POT1: variants seen among roughly 807,000 people sequenced by gnomAD.
POT1 encodes the protein protection of telomeres protein 1.
A neutral mutation model predicts 78.5 loss-of-function variants in POT1; 47 were observed. The ratio of observed to expected loss-of-function variants is 0.60; its 90% confidence interval spans 0.47 to 0.76. The LOEUF is 0.76. POT1 is among the 30% of genes least tolerant of loss of function. POT1 has a pLI of 0.00. For missense variants in POT1, 646 were observed against 749.9 expected (o/e 0.86, Z 1.62); for synonymous variants, 259 against 260.7 (o/e 0.99, Z 0.06).
intron 15 of POT1, among the ~76,000 whole-genome samples, chr7:124,831,792 C>T (rs1794763832): frequency 6.6e-6 from 1 of 151,564 alleles, no homozygotes; most frequent in Non-Finnish European, 1.5e-5. Context: ...AAAGGCTTGG[C>T]ATAGTACGAA....
Position 124,823,921 on chromosome 7 carries a change from T to C in POT1, c.*41A>G. ...GGAAAAGAAGCTCAAACAGGGAAGG[T>C]GAGTGGCAACATTTTATGTATGCTA... On this transcript the variant is annotated 3_prime_UTR_variant, in exon 19 of 19. Transcript: ENST00000357628. The C allele has an allele frequency of 7.7e-7, 1 of 1,291,292 alleles. No individual in the cohort carries two copies. 80.0% of individuals were successfully genotyped at this position (1,291,292 alleles called of 1,614,324 possible).
At chr7:124,841,814 T>C (rs1242730509) in intron 13 of POT1, among the ~76,000 whole-genome samples, 1 of 151,978 alleles carries the variant, frequency 6.6e-6, no homozygotes. Context: ...GGTTTTATTT[T>C]ACAAAGCTGT....
At chr7:124,883,317 A>G (rs1417407439) in intron 6 of POT1, among the ~76,000 whole-genome samples, 1 of 152,232 alleles carries the variant, frequency 6.6e-6, no homozygotes, top group Admixed American at 6.5e-5. Flanking sequence ...AGTTTTACCA[A>G]TTGGGGAAAG....
Position 124,858,961 on chromosome 7 carries a change from A to G in POT1, c.698T>C (p.Leu233Pro). The change falls in exon 9 of 19, where the codon CTG (leucine) becomes CCG (proline). Residue 233 changes from leucine (L) to proline (P), a missense_variant. This residue lies in a region of POT1 where 252 missense variants were observed against 341.4 expected (regional missense o/e 0.74). Coordinates refer to ENST00000357628, the MANE Select transcript of POT1 (RefSeq NM_015450.3). ...YDNHVHVARS[L>P]KVGSFLRIYS... ...TTTTTTCCTACTATACATCACCTTC[A>G]GAGATCTTGCCACATGAACATGGTT... 1 of 1,601,434 alleles carries G rather than the reference A, an allele frequency of 6.2e-7. No individual in the cohort carries two copies. The highest frequency in any genetic ancestry group is 8.5e-7 in the Non-Finnish European group (1 of 1,172,332).
At chr7:124,845,268 C>T (rs1795137440) in intron 12 of POT1, among the ~76,000 whole-genome samples, 1 of 152,128 alleles carries the variant, frequency 6.6e-6, no homozygotes, top group African/African-American at 2.4e-5. Context: ...ACATTTAATT[C>T]TCATGTCTCT....
chr7:124,895,293 G>A (rs996214365), intron 5 of POT1, among the ~76,000 whole-genome samples: 1 of 151,450 alleles, frequency 6.6e-6, no homozygotes, highest in Admixed American at 6.6e-5. Flanking sequence ...TAACTTGATA[G>A]CATTATCATT....
intron 7 of POT1, among the ~76,000 whole-genome samples, chr7:124,865,958 G>A (rs1288694464): frequency 1.3e-5 from 2 of 152,032 alleles, no homozygotes; most frequent in Non-Finnish European, 2.9e-5. Context: ...GTAACACTTT[G>A]TTGTTTTCAT....
chr7:124,926,931 G>C (rs969252165), intron 2 of POT1, among the ~76,000 whole-genome samples: 1 of 152,116 alleles, frequency 6.6e-6, no homozygotes, highest in Non-Finnish European at 1.5e-5. Context: ...GGAGGGGTAG[G>C]GGATTAGGAG....
chr7:124,852,349 A>C (rs1795331743), intron 10 of POT1, among the ~76,000 whole-genome samples: 1 of 152,164 alleles, frequency 6.6e-6, no homozygotes, highest in African/African-American at 2.4e-5. Context: ...ATGTAGACAA[A>C]AGTTATTTAA....
At chr7:124,843,775 T>C (rs1243807378) in intron 12 of POT1, among the ~76,000 whole-genome samples, 2 of 152,184 alleles carry the variant, frequency 1.3e-5, no homozygotes, top group African/African-American at 4.8e-5. Flanking sequence ...GGAAATGATG[T>C]ACAAATCTTA....
intron 6 of POT1, among the ~76,000 whole-genome samples, chr7:124,883,833 A>AT (rs1393473949): frequency 4.6e-5 from 7 of 152,042 alleles, no homozygotes; most frequent in Admixed American, 3.3e-4. Flanking sequence ...TGAAAAATAG[A>AT]TTAAATAATT....
At chr7:124,858,589 T>A (rs1795503299) in intron 9 of POT1, among the ~76,000 whole-genome samples, 1 of 152,028 alleles carries the variant, frequency 6.6e-6, no homozygotes, top group African/African-American at 2.4e-5. Context: ...CAAAAAGTTA[T>A]CAGCTACATT....
At chr7:124,911,835 C>T (rs1216198132) in intron 3 of POT1, among the ~76,000 whole-genome samples, 2 of 152,128 alleles carry the variant, frequency 1.3e-5, no homozygotes, top group East Asian at 1.9e-4. Flanking sequence ...CCAGACCCCA[C>T]AGGTTTTACA....
chr7:124,830,954 T>C (rs1794745205), intron 15 of POT1, among the ~76,000 whole-genome samples: 1 of 152,128 alleles, frequency 6.6e-6, no homozygotes, highest in African/African-American at 2.4e-5. Flanking sequence ...CGCTCACACA[T>C]GAACCAACAA....
chr7:124,904,597 G>A (rs966959076), intron 3 of POT1, among the ~76,000 whole-genome samples: 14 of 152,156 alleles, frequency 9.2e-5, no homozygotes, highest in African/African-American at 3.4e-4. Flanking sequence ...AGACAGGGAT[G>A]CCCTCTCTCA....
chr7:124,866,305 TG>T (rs34065637), intron 7 of POT1, among the ~76,000 whole-genome samples: 91,197 of 151,826 alleles, frequency 0.6, 27,523 homozygotes, highest in African/African-American at 0.65. Flanking sequence ...GAGCTACTTT[TG>T]GGGGGTGAAA....
chr7:124,843,016 T>A, intron 12 of POT1, 53 bp from the exon 13 acceptor site: 1 of 1,253,798 alleles, frequency 8.0e-7, no homozygotes, highest in East Asian at 2.6e-5. Context: ...ATTTATGACA[T>A]GCATCCTCCT....
chr7:124,844,735 A>G (rs1795124147), intron 12 of POT1, among the ~76,000 whole-genome samples: 1 of 82,410 alleles, frequency 1.2e-5, no homozygotes, highest in Non-Finnish European at 2.7e-5. Flanking sequence ...TCCGCCTCAA[A>G]AAAAAAAAAA....
chr7:124,905,824 G>A (rs562533347), intron 3 of POT1, among the ~76,000 whole-genome samples: 11 of 151,966 alleles, frequency 7.2e-5, no homozygotes, highest in East Asian at 1.9e-4. Context: ...AAAAGTGGGC[G>A]AAGGATATGA....
Sources: gnomAD v4.1 joint callset for allele counts (sites outside exome capture counted in the v4.1 genomes callset) on GRCh38, gnomAD v4.1.1 for gene constraint, gnomAD v4.1.1 regional missense constraint, MANE v1.5 for transcripts, NCBI Gene and HGNC (gene_info 2026-07-23, HGNC 2026-07-21) for gene names.